Variants in AREL1 observed in about 807,000 individuals in gnomAD.
AREL1 encodes apoptosis-resistant E3 ubiquitin protein ligase 1.
A neutral mutation model predicts 99.0 loss-of-function variants in AREL1; 62 were observed. The ratio of observed to expected loss-of-function variants is 0.63; its 90% confidence interval spans 0.51 to 0.77. The LOEUF (loss-of-function observed/expected upper bound fraction) is 0.77, where lower values mean the gene tolerates loss of function less well. Among genes scored for constraint, AREL1 ranks in the 30% least tolerant of loss-of-function variants. The pLI is 0.00. For synonymous variants in AREL1, 380 were observed against 376.5 expected (o/e 1.01, Z -0.11); for missense variants, 879 against 1,027.6 (o/e 0.86, Z 1.98).
chr14:74,682,197 G>C (rs909347877), intron 5 of AREL1, among the ~76,000 whole-genome samples: 6 of 152,108 alleles, frequency 3.9e-5, no homozygotes, highest in Non-Finnish European at 8.8e-5. Flanking sequence ...TTTGTCCAGA[G>C]CCTTACTCTG....
In AREL1 at chr14:74,676,391, C is replaced by A; in HGVS notation, c.652-70G>T. 2.0e-6 allele frequency: 3 copies of A among 1,536,410 alleles called. No homozygotes were observed. The South Asian group carries it at 3.6e-5, about 19-fold the overall frequency. On this transcript the variant is annotated intron_variant, in intron 6 of 19. Coordinates refer to ENST00000356357, the MANE Select transcript of AREL1 (RefSeq NM_001039479.2). ...CATTTACAAGCCACTTTACTCCTTACAAAGAGCTTTCCTATCTATGATCTA... is the reference window on the plus strand; with the variant it reads ...CATTTACAAGCCACTTTACTCCTTAAAAAGAGCTTTCCTATCTATGATCTA...
intron 15 of AREL1, among the ~76,000 whole-genome samples, chr14:74,668,915 T>A (rs949412572): frequency 6.6e-6 from 1 of 152,228 alleles, no homozygotes; most frequent in African/African-American, 2.4e-5. Flanking sequence ...TTTTGCTGTG[T>A]CACCCAGGCT....
rs557573735 is a variant in AREL1 at position 74,664,108 on chromosome 14, C to T, written c.2194-34G>A. The T allele has an allele frequency of 1.4e-5, 23 of 1,598,248 alleles. 1 individual carries two copies. The highest frequency in any genetic ancestry group is 2.6e-6 in the Non-Finnish European group (3 of 1,171,364). On this transcript the variant is annotated intron_variant, in intron 18 of 19. Coordinates refer to ENST00000356357, the MANE Select transcript of AREL1 (RefSeq NM_001039479.2). ...GAGAGCACAAGGCTGGGATCACACACAGTAAACAAGCTAGGATTAGATCCC... is the reference window on the plus strand; with the variant it reads ...GAGAGCACAAGGCTGGGATCACACATAGTAAACAAGCTAGGATTAGATCCC...
chr14:74,703,298 G>A lies in AREL1; in HGVS notation c.-334+9635C>T, dbSNP rs184053982. ...AGGCAAGAGACAATGAGAGCCAAGCGAAAGGGGAAATCCCTTATAAAATCA... is the reference window on the plus strand; with the variant it reads ...AGGCAAGAGACAATGAGAGCCAAGCAAAAGGGGAAATCCCTTATAAAATCA... On this transcript the variant is annotated intron_variant, in intron 1 of 19. Transcript: ENST00000356357. 2.2e-3 allele frequency among the ~76,000 whole-genome samples: 329 copies of A among 152,318 alleles called. 2 individuals carry two copies. Among genetic ancestry groups the A allele is most frequent in the African/African-American group, 7.3e-3 (303 of 41,564 alleles).
intron 15 of AREL1, 53 bp downstream of exon 15, chr14:74,669,596 C>T: frequency 6.3e-7 from 1 of 1,591,036 alleles, no homozygotes. Flanking sequence ...GACAGTCCTG[C>T]TCTACAGGAA....
In AREL1 at chr14:74,692,332, T is replaced by C. The variant is rs1475210296; in HGVS notation, c.-333-4A>G. ...TGCCAAAGGACGCCCCAGGATCCTG[T>C]CCAAAAAAGAAAACAGGGTTAGTTG... On this transcript the variant is annotated splice_polypyrimidine_tract_variant and splice_region_variant and intron_variant, in intron 1 of 19. Coordinates refer to ENST00000356357, the MANE Select transcript of AREL1 (RefSeq NM_001039479.2). The C allele has an allele frequency of 7.2e-6, 3 of 415,652 alleles. No homozygotes were observed. In the Admixed American group the frequency reaches 1.0e-4, roughly 14 times the overall value. 25.7% of individuals were successfully genotyped at this position (415,652 alleles called of 1,614,324 possible).
chr14:74,710,168 C>T (rs1448025636), intron 1 of AREL1, among the ~76,000 whole-genome samples: 2 of 152,246 alleles, frequency 1.3e-5, no homozygotes, highest in African/African-American at 4.8e-5. Flanking sequence ...TGTAGAGTAT[C>T]TGACCACTTT....
At chr14:74,694,728 G>A (rs1160551032) in intron 1 of AREL1, among the ~76,000 whole-genome samples, 2 of 151,826 alleles carry the variant, frequency 1.3e-5, no homozygotes, top group African/African-American at 2.4e-5. Context: ...GGTGGCTCAC[G>A]CCTGTAATCC....
rs753827398 is a variant in AREL1, at chr14:74,670,826, C to T, written c.1544G>A (p.Cys515Tyr). The change falls in exon 13 of 20, where the codon TGC (cysteine) becomes TAC (tyrosine). Residue 515 changes from cysteine (C) to tyrosine (Y), a missense_variant. Cys to Tyr is a radical substitution (Grantham distance 194, BLOSUM62 -2). Transcript: ENST00000356357. Reference protein sequence around the residue: ...GPRREWFELICKALFDTTNQL... With the variant: ...GPRREWFELIYKALFDTTNQL... ...ATTGGTGGTATCAAATAGTGCTTTG[C>T]AGATTAGCTCAAACCATTCCCGGCG... 1 of 1,614,110 alleles carries T rather than the reference C, an allele frequency of 6.2e-7. No homozygotes were observed. The highest frequency in any genetic ancestry group is 8.5e-7 in the Non-Finnish European group (1 of 1,179,980).
chr14:74,672,157 A>G (rs1284550151), intron 11 of AREL1: 2 of 297,870 alleles, frequency 6.7e-6, no homozygotes, highest in South Asian at 5.1e-5. Flanking sequence ...CAGGGATTCA[A>G]TAACAAGAAG....
intron 18 of AREL1, among the ~76,000 whole-genome samples, chr14:74,664,289 C>T (rs931965959): frequency 3.3e-5 from 5 of 152,180 alleles, no homozygotes; most frequent in African/African-American, 9.7e-5. Context: ...TCTTCGCCAT[C>T]TCCAATTTAC....
chr14:74,697,645 A>G (rs968046171), intron 1 of AREL1, among the ~76,000 whole-genome samples: 1 of 152,194 alleles, frequency 6.6e-6, no homozygotes, highest in African/African-American at 2.4e-5. Flanking sequence ...TTTCTTCATC[A>G]GTCAGCCTCT....
At chr14:74,690,018 T>C (rs1226274824) in intron 2 of AREL1, among the ~76,000 whole-genome samples, 4 of 151,462 alleles carry the variant, frequency 2.6e-5, no homozygotes, top group Admixed American at 6.6e-5. Flanking sequence ...GAGGCTGAGG[T>C]GGGAAGATCA....
At chr14:74,671,285 T>G in intron 12 of AREL1, 123 bp downstream of exon 12, 1 of 411,412 alleles carries the variant, frequency 2.4e-6, no homozygotes, top group Non-Finnish European at 4.2e-6. Flanking sequence ...AAACCTAGGT[T>G]TTTTTTTTTA....
In AREL1 at chr14:74,669,650, T is replaced by C. The variant is rs1234882656; in HGVS notation, c.1913A>G (p.Lys638Arg). The change falls in exon 15 of 20, where the codon AAG (lysine) becomes AGG (arginine). Residue 638 changes from lysine (K) to arginine (R), a missense_variant and splice_region_variant. Lys to Arg is a conservative substitution (Grantham distance 26). Coordinates refer to ENST00000356357, the MANE Select transcript of AREL1 (RefSeq NM_001039479.2). ...EKYNKSGQLDKVVELMTGGAQ... is the reference protein window; with the variant it reads ...EKYNKSGQLDRVVELMTGGAQ... The stretch of plus-strand genomic sequence containing the variant: ...CAGAGGCTTTGTCCTCTTTCTCACC[T>C]TATCCAATTGACCTGATTTATTATA... 1.1e-5 allele frequency: 17 copies of C among 1,613,950 alleles called. No homozygotes were observed. The highest frequency in any genetic ancestry group is 1.4e-5 in the Non-Finnish European group (17 of 1,179,896).
In AREL1 at chr14:74,662,508, C is replaced by T; in HGVS notation, c.*1212G>A. 2.5e-6 allele frequency: 1 copy of T among 398,720 alleles called. No homozygotes were observed. 24.7% of individuals were successfully genotyped at this position (398,720 alleles called of 1,614,324 possible). ...AAGGATGTTGTCATCTTCCAAGATA[C>T]AGCAGCAGGTACTCTTCAATCATCA... is the stretch of plus-strand genomic sequence containing the variant. On this transcript the variant is annotated 3_prime_UTR_variant, in exon 20 of 20. Transcript: ENST00000356357.
At chr14:74,669,810 T>G (rs1389428002) in intron 14 of AREL1, 36 bp from the exon 15 acceptor site, 1 of 1,612,224 alleles carries the variant, frequency 6.2e-7, no homozygotes, top group Non-Finnish European at 8.5e-7. Flanking sequence ...AGAACATGAA[T>G]ACTCTTGCCC....
chr14:74,698,434 G>A (rs1039873864), intron 1 of AREL1, among the ~76,000 whole-genome samples: 5 of 152,150 alleles, frequency 3.3e-5, no homozygotes, highest in Admixed American at 2.6e-4. Context: ...TAATTCACTC[G>A]ATAATTCACA....
At chr14:74,686,765 C>T (rs1048447718) in intron 2 of AREL1, among the ~76,000 whole-genome samples, 17 of 151,972 alleles carry the variant, frequency 1.1e-4, no homozygotes, top group South Asian at 4.2e-4. Context: ...GAGGAATGAC[C>T]GTCAAAAGTT....
Sources: allele counts gnomAD v4.1 joint callset (sites outside exome capture counted in the v4.1 genomes callset), GRCh38; gene constraint gnomAD v4.1.1; transcripts MANE v1.5; gene names NCBI Gene and HGNC (gene_info 2026-07-23, HGNC 2026-07-21).